Variants in SMIM31 observed in about 807,000 individuals in gnomAD.
SMIM31 encodes small integral membrane protein 31, also known as human epithelial cell program regulator.
intron 2 of SMIM31, among the ~76,000 whole-genome samples, chr4:164,791,129 T>A (rs1411154084): frequency 2.0e-5 from 3 of 152,186 alleles, no homozygotes; most frequent in Admixed American, 6.5e-5. Flanking sequence ...TATCCTCTTT[T>A]GTTGTTAATT....
chr4:164,780,363 G>T (rs569948874), intron 2 of SMIM31, among the ~76,000 whole-genome samples: 1 of 152,192 alleles, frequency 6.6e-6, no homozygotes, highest in Non-Finnish European at 1.5e-5. Context: ...GGAGGTGGAG[G>T]TTGCAGTGAG....
intron 2 of SMIM31, among the ~76,000 whole-genome samples, chr4:164,776,923 A>G (rs1732885996): frequency 6.6e-6 from 1 of 152,188 alleles, no homozygotes; most frequent in South Asian, 2.1e-4. Flanking sequence ...GATTAGGCCT[A>G]TGAGGCAGGT....
chr4:164,785,729 GCTT>G (rs1182491994), intron 2 of SMIM31, among the ~76,000 whole-genome samples: 1 of 148,758 alleles, frequency 6.7e-6, no homozygotes, highest in Non-Finnish European at 1.5e-5. Context: ...TAATCTTTAA[GCTT>G]CTTGTGTGTG....
At chr4:164,788,825 T>C (rs1733063839) in intron 2 of SMIM31, among the ~76,000 whole-genome samples, 1 of 152,142 alleles carries the variant, frequency 6.6e-6, no homozygotes, top group African/African-American at 2.4e-5. Context: ...TTGAGCTAGA[T>C]TGAAAAACAT....
At chr4:164,775,785 T>C (rs1732873631) in intron 2 of SMIM31, among the ~76,000 whole-genome samples, 1 of 152,188 alleles carries the variant, frequency 6.6e-6, no homozygotes, top group Admixed American at 6.5e-5. Flanking sequence ...AGAATCTCAT[T>C]AGGGGCTCTA....
intron 1 of SMIM31, among the ~76,000 whole-genome samples, chr4:164,766,472 A>G (rs1254214013): frequency 6.6e-6 from 1 of 152,156 alleles, no homozygotes; most frequent in Non-Finnish European, 1.5e-5. Context: ...CTGCTTTCAT[A>G]GAACTTTAAT....
chr4:164,798,999 G>T (rs1733247727), intron 2 of SMIM31, among the ~76,000 whole-genome samples: 2 of 152,116 alleles, frequency 1.3e-5, no homozygotes, highest in Non-Finnish European at 2.9e-5. Context: ...ATGAGTAAAA[G>T]CTCCCTGAGG....
chr4:164,767,065 A>T (rs1405280725), intron 1 of SMIM31, among the ~76,000 whole-genome samples: 1 of 152,124 alleles, frequency 6.6e-6, no homozygotes, highest in Non-Finnish European at 1.5e-5. Context: ...ATCAGACGGG[A>T]TGTGGGGTAG....
chr4:164,763,721 G>T (rs1050130964), intron 1 of SMIM31, among the ~76,000 whole-genome samples: 3 of 152,088 alleles, frequency 2.0e-5, no homozygotes, highest in African/African-American at 7.2e-5. Flanking sequence ...TTGTTCTTAT[G>T]GAAAAGATAA....
rs993721234 is a variant in SMIM31 at position 164,802,019 on chromosome 4, G to C, written c.*825G>C. The C allele has an allele frequency of 6.6e-6, 1 of 152,008 alleles. No homozygotes were observed. Among genetic ancestry groups the C allele is most frequent in the African/African-American group, 2.4e-5 (1 of 41,348 alleles). 9.4% of individuals were successfully genotyped at this position (152,008 alleles called of 1,614,324 possible). ...GAGGCCGAGGTGGGCAGATCACGAG[G>C]TCAGGAGATTGAGACCATCCTAGCT... On this transcript the variant is annotated 3_prime_UTR_variant, in exon 3 of 3. Transcript: ENST00000507311.
chr4:164,778,285 T>A (rs926511729), intron 2 of SMIM31, among the ~76,000 whole-genome samples: 1 of 151,654 alleles, frequency 6.6e-6, no homozygotes, highest in East Asian at 1.9e-4. Context: ...TGAGGCAAAA[T>A]CAAGTAGGGA....
At chr4:164,790,305 A>T (rs560508334) in intron 2 of SMIM31, among the ~76,000 whole-genome samples, 102 of 152,140 alleles carry the variant, frequency 6.7e-4, no homozygotes, top group Admixed American at 2.6e-3. Context: ...TATTTTTTTA[A>T]AAAAAATCCT....
chr4:164,795,515 A>T (rs1265263629), intron 2 of SMIM31, among the ~76,000 whole-genome samples: 1 of 143,578 alleles, frequency 7.0e-6, no homozygotes, highest in Non-Finnish European at 1.5e-5. Flanking sequence ...AGGCGAGATC[A>T]CGCCACTGCA....
intron 2 of SMIM31, among the ~76,000 whole-genome samples, chr4:164,788,478 C>CTTTTTCTTTTTTTTTTT (rs1733056135): frequency 8.6e-5 from 5 of 58,164 alleles, no homozygotes; most frequent in African/African-American, 2.9e-4. Context: ...TCTAATTTTT[C>CTTTTTCTTTTTTTTTTT]TTTTTTTTTT....
At chr4:164,797,792 T>A (rs577896578) in intron 2 of SMIM31, among the ~76,000 whole-genome samples, 1 of 152,238 alleles carries the variant, frequency 6.6e-6, no homozygotes, top group South Asian at 2.1e-4. Flanking sequence ...ATGCATATAC[T>A]GCACAGTGGT....
intron 2 of SMIM31, among the ~76,000 whole-genome samples, chr4:164,795,932 T>A (rs1579074848): frequency 6.6e-6 from 1 of 152,068 alleles, no homozygotes; most frequent in East Asian, 1.9e-4. Flanking sequence ...TGATCACAGG[T>A]CACCAGACAC....
At position 164,783,439 on chromosome 4, in the gene SMIM31, G is replaced by A. The variant is rs192157447; in HGVS notation, c.112+12884G>A. Among the ~76,000 whole-genome samples the A allele has an allele frequency of 6.0e-3, 902 of 150,462 alleles. 8 individuals are homozygous for A. Among genetic ancestry groups the A allele is most frequent in the African/African-American group, 0.02 (835 of 40,852 alleles). On this transcript the variant is annotated intron_variant, in intron 2 of 2. Transcript: ENST00000507311. ...CTCGGGAGGCTGAGGCAGGAGACTC[G>A]CTTGAACACAGGAAGCGAAGGTTAC...
chr4:164,800,983 G>A, intron 2 of SMIM31, 108 bp from the exon 3 acceptor site: 2 of 393,664 alleles, frequency 5.1e-6, no homozygotes, highest in Non-Finnish European at 4.5e-6. Flanking sequence ...TAGCCAACAG[G>A]AAAAGTTACA....
chr4:164,766,180 GT>G (rs1026656456), intron 1 of SMIM31, among the ~76,000 whole-genome samples: 37 of 152,290 alleles, frequency 2.4e-4, no homozygotes, highest in African/African-American at 8.4e-4. Flanking sequence ...CATGCTGCCT[GT>G]TTTATGGAAA....
Sources: allele counts gnomAD v4.1 joint callset (sites outside exome capture counted in the v4.1 genomes callset), GRCh38; gene constraint gnomAD v4.1.1; transcripts MANE v1.5; gene names NCBI Gene and HGNC (gene_info 2026-07-23, HGNC 2026-07-21).